Variants in EFCAB5 observed in about 807,000 individuals in gnomAD.
EFCAB5 encodes EF-hand calcium binding domain 5.
Under a neutral mutation model 167.9 loss-of-function variants are expected in EFCAB5, and 131 were observed. The observed-to-expected ratio is 0.78, with a 90% CI of 0.68 to 0.90. EFCAB5 has a LOEUF of 0.90. EFCAB5 is among the 40% of genes least tolerant of loss of function. The pLI, the probability that EFCAB5 is intolerant of heterozygous loss-of-function variation, is 0.00. For synonymous variants in EFCAB5, 574 were observed against 602.8 expected (o/e 0.95, Z 0.70); for missense variants, 1,663 against 1,745.2 (o/e 0.95, Z 0.84).
intron 4 of EFCAB5, among the ~76,000 whole-genome samples, chr17:29,989,350 T>C (rs2068360924): frequency 6.6e-6 from 1 of 152,156 alleles, no homozygotes; most frequent in Non-Finnish European, 1.5e-5. Flanking sequence ...ACTGTGAAAA[T>C]TTTTTACGAG....
chr17:30,027,968 A>G (rs1316151654), intron 7 of EFCAB5, among the ~76,000 whole-genome samples: 1 of 152,234 alleles, frequency 6.6e-6, no homozygotes, highest in Admixed American at 6.5e-5. Flanking sequence ...CCTGAATCAT[A>G]TAATGGGTTT....
chr17:30,033,253 T>C (rs557952883), intron 7 of EFCAB5, among the ~76,000 whole-genome samples: 1 of 152,250 alleles, frequency 6.6e-6, no homozygotes, highest in South Asian at 2.1e-4. Context: ...TAATTTTTTG[T>C]ATTTTTAGTA....
chr17:30,080,971 G>T lies in EFCAB5; in HGVS notation c.3416G>T (p.Arg1139Ile), dbSNP rs2070977652. 2 of 1,611,962 alleles carry T rather than the reference G, an allele frequency of 1.2e-6. No homozygotes were observed. The highest frequency in any genetic ancestry group is 1.1e-5 in the South Asian group (1 of 90,994). The change falls in exon 17 of 23, where the codon AGA becomes ATA. Residue 1139 changes from arginine to isoleucine, a missense_variant. Coordinates refer to ENST00000394835, the MANE Select transcript of EFCAB5 (RefSeq NM_198529.4). ...AACATCTTTCTACCTCATGAGATCA[G>T]ATTCTATCAGGTAAGTCATAGAAGT... is the stretch of plus-strand genomic sequence containing the variant. Reference protein sequence around the residue: ...EINIFLPHEIRFYQGVANVFS... With the variant: ...EINIFLPHEIIFYQGVANVFS...
chr17:30,024,911 C>A (rs2069276883), intron 7 of EFCAB5, among the ~76,000 whole-genome samples: 1 of 151,100 alleles, frequency 6.6e-6, no homozygotes, highest in Non-Finnish European at 1.5e-5. Context: ...TTTGACAAAC[C>A]TGAGAAAAAC....
intron 17 of EFCAB5, among the ~76,000 whole-genome samples, chr17:30,081,372 A>G (rs368763307): frequency 2.6e-5 from 4 of 152,218 alleles, no homozygotes; most frequent in Admixed American, 2.6e-4. Context: ...TACAAATGGT[A>G]CTAATTCTGA....
Position 30,091,904 on chromosome 17 carries a change from G to A in EFCAB5, c.3971G>A (p.Gly1324Glu). 2 of 1,613,930 alleles carry A rather than the reference G, an allele frequency of 1.2e-6. No homozygotes were observed. The highest frequency in any genetic ancestry group is 1.7e-6 in the Non-Finnish European group (2 of 1,179,850). Residue 1324 changes from glycine (G) to glutamate (E), a missense_variant, in exon 21 of 23, where the codon GGA (glycine) becomes GAA (glutamate). Gly to Glu is a moderately conservative substitution (Grantham distance 98, BLOSUM62 -2). Coordinates refer to ENST00000394835, the MANE Select transcript of EFCAB5 (RefSeq NM_198529.4). ...IENVREVQRA[G>E]ILFFRIMLLE... is the part of the protein sequence containing the mutation. ...AATGTCAGGGAAGTCCAGCGGGCAGGAATTCTCTTCTTCCGAATCATGCTG... is the reference window on the plus strand; with the variant it reads ...AATGTCAGGGAAGTCCAGCGGGCAGAAATTCTCTTCTTCCGAATCATGCTG...
intron 7 of EFCAB5, among the ~76,000 whole-genome samples, 173 bp downstream of exon 7, chr17:30,000,149 C>G (rs1217682511): frequency 6.6e-6 from 1 of 152,132 alleles, no homozygotes; most frequent in African/African-American, 2.4e-5. Context: ...TTTACAATTT[C>G]TTTCAATCAG....
intron 7 of EFCAB5, among the ~76,000 whole-genome samples, chr17:30,025,644 C>T (rs1190644681): frequency 2.0e-5 from 3 of 152,130 alleles, no homozygotes; most frequent in Non-Finnish European, 4.4e-5. Flanking sequence ...AGAAATACCA[C>T]TTGACCCAGC....
At chr17:29,955,953 G>C (rs533788315) in intron 3 of EFCAB5, among the ~76,000 whole-genome samples, 8 of 152,252 alleles carry the variant, frequency 5.3e-5, no homozygotes, top group African/African-American at 1.7e-4. Flanking sequence ...GTATGGTACT[G>C]GTACAAAAGC....
intron 18 of EFCAB5, among the ~76,000 whole-genome samples, 169 bp from the exon 19 acceptor site, chr17:30,086,893 GA>G (rs113554450): frequency 1.4e-4 from 21 of 147,692 alleles, no homozygotes; most frequent in Middle Eastern, 3.4e-3. Context: ...ACTCCATCTC[GA>G]AAAAAAAAAA....
chr17:30,074,831 T>C (rs1165416863), intron 14 of EFCAB5, among the ~76,000 whole-genome samples: 1 of 152,160 alleles, frequency 6.6e-6, no homozygotes, highest in Non-Finnish European at 1.5e-5. Context: ...TTTTCCCTGC[T>C]TTCACCCTGG....
At chr17:30,026,501 GA>G (rs1185980547) in intron 7 of EFCAB5, among the ~76,000 whole-genome samples, 1 of 152,052 alleles carries the variant, frequency 6.6e-6, no homozygotes, top group African/African-American at 2.4e-5. Flanking sequence ...ACCAGCAAAA[GA>G]AAACCACTAT....
intron 3 of EFCAB5, among the ~76,000 whole-genome samples, chr17:29,966,517 G>A (rs544517609): frequency 5.9e-5 from 9 of 152,144 alleles, no homozygotes; most frequent in Non-Finnish European, 1.3e-4. Flanking sequence ...GCATGCACCT[G>A]TAGTCCCAGC....
At chr17:29,991,884 C>A (rs2068427950) in intron 4 of EFCAB5, among the ~76,000 whole-genome samples, 1 of 152,120 alleles carries the variant, frequency 6.6e-6, no homozygotes, top group East Asian at 1.9e-4. Flanking sequence ...ATTTTTACTA[C>A]CTGTTTTTTA....
chr17:30,094,783 T>C (rs1201984567), intron 22 of EFCAB5, among the ~76,000 whole-genome samples: 3 of 152,282 alleles, frequency 2.0e-5, no homozygotes, highest in East Asian at 3.9e-4. Context: ...TGAAGTAACA[T>C]TGGGTAGCTT....
chr17:30,065,488 C>T (rs1308370414), intron 14 of EFCAB5: 1 of 152,042 alleles, frequency 6.6e-6, no homozygotes. Flanking sequence ...TGGTGAAACC[C>T]CATCTCTACT....
chr17:30,043,939 A>C (rs1246811254), intron 8 of EFCAB5, among the ~76,000 whole-genome samples: 1 of 152,202 alleles, frequency 6.6e-6, no homozygotes, highest in African/African-American at 2.4e-5. Context: ...CAAAAAATAG[A>C]CATCACCAAA....
At chr17:29,932,286 G>A (rs1054941988) in intron 1 of EFCAB5, among the ~76,000 whole-genome samples, 1 of 150,836 alleles carries the variant, frequency 6.6e-6, no homozygotes, top group African/African-American at 2.4e-5. Flanking sequence ...GAGTAGCTGG[G>A]ATTACAGGGG....
chr17:30,045,533 G>A (rs1042629685), intron 8 of EFCAB5, among the ~76,000 whole-genome samples: 4 of 151,502 alleles, frequency 2.6e-5, no homozygotes, highest in Non-Finnish European at 4.4e-5. Context: ...TCACTGTGGT[G>A]GTAGTTACAT....
Sources: allele counts gnomAD v4.1 joint callset (sites outside exome capture counted in the v4.1 genomes callset), GRCh38; gene constraint gnomAD v4.1.1; transcripts MANE v1.5; gene names NCBI Gene and HGNC (gene_info 2026-07-23, HGNC 2026-07-21).